Variants in OPCML observed in about 807,000 individuals in gnomAD.
OPCML encodes opioid binding protein/cell adhesion molecule like.
Under a neutral mutation model 37.8 loss-of-function variants are expected in OPCML, and 13 were observed. The observed-to-expected ratio is 0.34, with a 90% confidence interval of 0.22 to 0.55. OPCML has a LOEUF of 0.55. Among genes scored for constraint, OPCML ranks in the 20% least tolerant of loss-of-function variants. The pLI is 0.91. For synonymous variants in OPCML, 176 were observed against 168.8 expected, an observed-to-expected ratio of 1.04 and a Z score of -0.33; for missense variants, 341 against 435.6, an observed-to-expected ratio of 0.78 and a Z score of 1.93.
intron 4 of OPCML, among the ~76,000 whole-genome samples, chr11:132,515,584 G>A (rs58530584): frequency 0.025 from 3,745 of 152,266 alleles, 148 homozygotes; most frequent in African/African-American, 0.086. Context: ...TTCATCTCCA[G>A]TGGAGGTTCC....
intron 2 of OPCML, among the ~76,000 whole-genome samples, chr11:132,921,858 C>A (rs572450559): frequency 6.6e-6 from 1 of 152,014 alleles, no homozygotes; most frequent in Non-Finnish European, 1.5e-5. Context: ...TTATTGAGGC[C>A]CTCCATTGAG....
intron 1 of OPCML, among the ~76,000 whole-genome samples, chr11:133,507,908 C>A (rs1948069362): frequency 6.7e-6 from 1 of 150,180 alleles, no homozygotes. Flanking sequence ...GATCACACCA[C>A]TGCACTCCAG....
intron 1 of OPCML, among the ~76,000 whole-genome samples, chr11:132,969,099 AC>A (rs1353097289): frequency 2.0e-5 from 3 of 148,136 alleles, no homozygotes. Context: ...TTTACCCCTC[AC>A]CCCCCTCCCA....
At chr11:133,325,451 A>G (rs938066235) in intron 1 of OPCML, among the ~76,000 whole-genome samples, 2 of 152,184 alleles carry the variant, frequency 1.3e-5, no homozygotes, top group African/African-American at 4.8e-5. Flanking sequence ...TTTTACTCCA[A>G]CAAAACTCTA....
chr11:132,661,286 A>G (rs1941966809), intron 2 of OPCML, among the ~76,000 whole-genome samples: 1 of 152,204 alleles, frequency 6.6e-6, no homozygotes, highest in Non-Finnish European at 1.5e-5. Flanking sequence ...AAGATGGTTC[A>G]CAAGTTTGTA....
intron 1 of OPCML, among the ~76,000 whole-genome samples, chr11:132,944,089 C>CG (rs1945682254): frequency 6.6e-6 from 1 of 151,932 alleles, no homozygotes; most frequent in Non-Finnish European, 1.5e-5. Flanking sequence ...GGGATGCCTG[C>CG]GGGGATGAGC....
At chr11:133,327,264 G>T (rs1302623174) in intron 1 of OPCML, among the ~76,000 whole-genome samples, 1 of 151,786 alleles carries the variant, frequency 6.6e-6, no homozygotes, top group Non-Finnish European at 1.5e-5. Context: ...TTGTTAGCAG[G>T]TGAGGGGTTA....
chr11:133,463,897 G>A (rs1946915759), intron 1 of OPCML, among the ~76,000 whole-genome samples: 1 of 152,172 alleles, frequency 6.6e-6, no homozygotes. Context: ...GCGGGGTGAT[G>A]GTTGGCAATT....
chr11:133,431,618 AC>A (rs1184767625), intron 1 of OPCML, among the ~76,000 whole-genome samples: 2 of 151,914 alleles, frequency 1.3e-5, no homozygotes, highest in African/African-American at 4.8e-5. Flanking sequence ...GGCATGTGCC[AC>A]CATGCCCAGC....
Position 132,437,274 on chromosome 11 carries a change from C to T in OPCML, c.591G>A (p.Ala197=), listed in dbSNP as rs148098619. 49 of 1,614,088 alleles carry T rather than the reference C, an allele frequency of 3.0e-5. No homozygotes were observed. Among genetic ancestry groups the T allele is most frequent in the Admixed American group, 1.0e-4 (6 of 60,006 alleles). The change falls in exon 5 of 8, where the codon GCG becomes GCA. Residue 197 remains alanine (A), a synonymous_variant. Transcript: ENST00000524381. ...RDQSGEYECS[A]LNDVAAPDVR... ...CATCGGGCGCAGCGACATCGTTCAA[C>T]GCGCTGCATTCGTACTCCCCGGACT...
At chr11:133,352,085 A>G (rs1944152614) in intron 1 of OPCML, among the ~76,000 whole-genome samples, 1 of 152,146 alleles carries the variant, frequency 6.6e-6, no homozygotes, top group South Asian at 2.1e-4. Context: ...CTCCCCTGTA[A>G]TCAATTCTTC....
intron 1 of OPCML, among the ~76,000 whole-genome samples, chr11:133,433,974 T>A (rs1177242466): frequency 6.6e-6 from 1 of 152,224 alleles, no homozygotes; most frequent in African/African-American, 2.4e-5. Flanking sequence ...TGTTGCTTTG[T>A]GCTTCTTGAA....
At chr11:133,200,597 G>T (rs374108297) in intron 1 of OPCML, among the ~76,000 whole-genome samples, 1 of 151,972 alleles carries the variant, frequency 6.6e-6, no homozygotes, top group East Asian at 1.9e-4. Flanking sequence ...ATATATACTA[G>T]GACATAGACA....
chr11:132,794,500 C>G (rs193160516), intron 2 of OPCML, among the ~76,000 whole-genome samples: 1 of 152,246 alleles, frequency 6.6e-6, no homozygotes, highest in Admixed American at 6.5e-5. Flanking sequence ...TCCTTGGATA[C>G]CTCAGGGTTC....
intron 1 of OPCML, chr11:133,117,981 A>G: frequency 1.0e-6 from 1 of 966,516 alleles, no homozygotes; most frequent in Non-Finnish European, 1.2e-6. Flanking sequence ...CTGCAAGTGG[A>G]GGAGACATCA....
chr11:132,780,135 C>A (rs1946952261), intron 2 of OPCML, among the ~76,000 whole-genome samples: 3 of 152,196 alleles, frequency 2.0e-5, no homozygotes, highest in Non-Finnish European at 2.9e-5. Flanking sequence ...AGGTCTTACA[C>A]AAACACCATG....
rs61912404 is a variant in OPCML, at chr11:133,454,740, G to T, written c.61+77524C>A. Among the ~76,000 whole-genome samples the T allele has an allele frequency of 1.3e-3, 200 of 152,244 alleles. 1 individual carries two copies. Among genetic ancestry groups the T allele is most frequent in the Admixed American group, 2.6e-3 (40 of 15,290 alleles). The stretch of plus-strand genomic sequence containing the variant: ...GAGTTTTTGAGGGAAGCTATATCAC[G>T]ATGTCTTTGGAGGACTTTAAGAATA... On this transcript the variant is annotated intron_variant, in intron 1 of 7. Coordinates refer to ENST00000524381, the MANE Select transcript of OPCML (RefSeq NM_001012393.5).
intron 4 of OPCML, among the ~76,000 whole-genome samples, chr11:132,477,523 G>A (rs2096161023): frequency 6.6e-6 from 1 of 152,214 alleles, no homozygotes; most frequent in African/African-American, 2.4e-5. Context: ...GGAAGCAACT[G>A]TCATTCTGGA....
At chr11:132,706,986 C>T (rs764311044) in intron 2 of OPCML, among the ~76,000 whole-genome samples, 2 of 152,128 alleles carry the variant, frequency 1.3e-5, no homozygotes, top group Non-Finnish European at 1.5e-5. Context: ...CCAAGATGGC[C>T]GCCTTTCAAT....
Sources: allele counts gnomAD v4.1 joint callset (sites outside exome capture counted in the v4.1 genomes callset), GRCh38; gene constraint gnomAD v4.1.1; transcripts MANE v1.5; gene names NCBI Gene and HGNC (gene_info 2026-07-23, HGNC 2026-07-21).